HAVCR1: variants seen among roughly 807,000 people sequenced by gnomAD.
HAVCR1 encodes T cell immunoglobin domain and mucin domain protein 1.
In HAVCR1, 34 loss-of-function variants were observed where a neutral mutation model predicts 32.0. The ratio of observed to expected loss-of-function variants is 1.06; its 90% confidence interval spans 0.81 to 1.42. HAVCR1 has a LOEUF of 1.42. Ranked by LOEUF, HAVCR1 falls within the 40% of genes most tolerant of loss-of-function variation. HAVCR1 has a pLI of 0.00. For synonymous variants in HAVCR1, 178 were observed against 170.3 expected (o/e 1.05, Z -0.35); for missense variants, 420 against 442.3 (o/e 0.95, Z 0.45).
intron 3 of HAVCR1, among the ~76,000 whole-genome samples, chr5:157,053,382 T>A (rs200996509): frequency 8.6e-6 from 1 of 116,814 alleles, no homozygotes. Flanking sequence ...GACCCTGTCT[T>A]AAAAAAAAAA....
upstream of HAVCR1, among the ~76,000 whole-genome samples, chr5:157,059,765 C>G (rs1756429758): frequency 6.6e-6 from 1 of 152,162 alleles, no homozygotes; most frequent in African/African-American, 2.4e-5. Flanking sequence ...AAGTGGATCA[C>G]CTGAGGTAAG....
chr5:157,055,468 A>C lies in HAVCR1; in HGVS notation c.112T>G (p.Tyr38Asp). The C allele has an allele frequency of 6.2e-7, 1 of 1,610,480 alleles. No homozygotes were observed. The highest frequency in any genetic ancestry group is 2.2e-5 in the East Asian group (1 of 44,846). ...CACATGGATGTGACAGCTCCACTGT[A>C]GTGGCAGGGTAGTGTGACAGATGGA... ...AGPSVTLPCH[Y>D]SGAVTSMCWN... Residue 38 changes from tyrosine (Y) to aspartate (D), a missense_variant, in exon 3 of 9, where the codon TAC (tyrosine) becomes GAC (aspartate). Physicochemically the swap from Tyr to Asp is radical, Grantham distance 160. Coordinates refer to ENST00000523175, the MANE Select transcript of HAVCR1 (RefSeq NM_001173393.3).
At chr5:157,059,444 G>A (rs1756413996), upstream of HAVCR1, among the ~76,000 whole-genome samples, 1 of 152,166 alleles carries the variant, frequency 6.6e-6, no homozygotes, top group Non-Finnish European at 1.5e-5. Context: ...GGGAGGCCGA[G>A]TAGGCCAGTC....
At chr5:157,054,938 A>G (rs1756021403) in intron 3 of HAVCR1, among the ~76,000 whole-genome samples, 2 of 152,204 alleles carry the variant, frequency 1.3e-5, no homozygotes, top group South Asian at 4.1e-4. Context: ...TTTGGTATCA[A>G]GGGGGTCCTG....
intron 6 of HAVCR1, among the ~76,000 whole-genome samples, chr5:157,039,312 T>C (rs992970712): frequency 1.2e-4 from 18 of 152,224 alleles, no homozygotes; most frequent in African/African-American, 4.3e-4. Flanking sequence ...AATAATGTGT[T>C]ATAACCAACA....
intron 3 of HAVCR1, 106 bp from the exon 4 acceptor site, chr5:157,052,760 G>T (rs1262608655): frequency 4.3e-6 from 4 of 938,618 alleles, no homozygotes; most frequent in African/African-American, 1.6e-5. Context: ...TCCCTAGGTG[G>T]AGTTAACTTC....
chr5:157,031,247 C>T (rs1204016918), intron 8 of HAVCR1, among the ~76,000 whole-genome samples: 1 of 152,170 alleles, frequency 6.6e-6, no homozygotes, highest in Non-Finnish European at 1.5e-5. Context: ...TGAGCACTTA[C>T]AGTATGCTGG....
At chr5:157,058,065 T>C (rs1201908248) in intron 1 of HAVCR1, 110 bp from the exon 2 acceptor site, 3 of 763,230 alleles carry the variant, frequency 3.9e-6, no homozygotes, top group African/African-American at 1.7e-5. Flanking sequence ...GGTTGATTCA[T>C]ATGAGCCTGC....
chr5:157,057,323 A>C (rs776208618), intron 2 of HAVCR1, among the ~76,000 whole-genome samples: 2 of 150,706 alleles, frequency 1.3e-5, no homozygotes, highest in Non-Finnish European at 2.9e-5. Context: ...CTCAAAAAAA[A>C]AAAGATTGCC....
At chr5:157,033,677 A>T (rs1022209439) in intron 7 of HAVCR1, among the ~76,000 whole-genome samples, 1 of 152,118 alleles carries the variant, frequency 6.6e-6, no homozygotes, top group Non-Finnish European at 1.5e-5. Context: ...CCTGCCCTAC[A>T]GTCTGTTCTT....
In HAVCR1 at chr5:157,053,382, T is replaced by TAAAAAAAAA. The variant is rs10654856; in HGVS notation, c.380-737_380-729dup. 4.3e-5 allele frequency among the ~76,000 whole-genome samples: 5 copies of TAAAAAAAAA among 116,812 alleles called. 1 individual carries two copies. Among genetic ancestry groups the TAAAAAAAAA allele is most frequent in the Non-Finnish European group, 3.4e-5 (2 of 59,382 alleles). 76.6% of individuals were successfully genotyped at this position (116,812 alleles called of 152,430 possible). A position where few individuals can be genotyped will look rare whatever the true frequency, so the allele number is the denominator to read the frequency against. ...TGAGAAACAGAGCGAGACCCTGTCT[T>TAAAAAAAAA]AAAAAAAAAAAAGAAAAAAAGAATT... On this transcript the variant is annotated intron_variant, in intron 3 of 8. Coordinates refer to ENST00000523175, the MANE Select transcript of HAVCR1 (RefSeq NM_001173393.3).
intron 3 of HAVCR1, among the ~76,000 whole-genome samples, chr5:157,054,907 G>C (rs1756018873): frequency 6.6e-6 from 1 of 152,126 alleles, no homozygotes; most frequent in African/African-American, 2.4e-5. Context: ...ATTTTATATA[G>C]GGACTTGAGC....
the HAVCR1 span, among the ~76,000 whole-genome samples, chr5:157,068,655 A>AT: frequency 2.1e-3 from 309 of 147,680 alleles, 3 homozygotes; most frequent in Middle Eastern, 0.01. Context: ...TTTTTTTTAC[A>AT]TTTTTTTTTT....
In HAVCR1 at chr5:157,057,939, T is replaced by C; in HGVS notation, c.5A>G (p.His2Arg). The C allele has an allele frequency of 6.2e-7, 1 of 1,613,580 alleles. No homozygotes were observed. Among genetic ancestry groups the C allele is most frequent in the South Asian group, 1.1e-5 (1 of 91,064 alleles). ...GAGGCTTAAGATGACCACTTGAGGA[T>C]GCATTATGGGATCAGCCTGAAGGAA... MHPQVVILSLIL... is the reference protein window; with the variant it reads MRPQVVILSLIL... The change falls in exon 2 of 9, where the codon CAT becomes CGT. Residue 2 changes from histidine (H) to arginine (R), a missense_variant. Transcript: ENST00000523175.
the HAVCR1 span, among the ~76,000 whole-genome samples, chr5:157,066,335 A>C: frequency 1.3e-5 from 2 of 152,038 alleles, no homozygotes; most frequent in African/African-American, 4.8e-5. Flanking sequence ...TACAGGAAAC[A>C]CTTTCAAGGA....
At chr5:157,030,669 A>G (rs1020447756) in intron 8 of HAVCR1, among the ~76,000 whole-genome samples, 1 of 152,246 alleles carries the variant, frequency 6.6e-6, no homozygotes, top group Non-Finnish European at 1.5e-5. Context: ...CAGTAGAAAC[A>G]GTGGAAATAC....
chr5:157,032,166 G>T (rs150687086), intron 8 of HAVCR1, among the ~76,000 whole-genome samples: 1 of 152,206 alleles, frequency 6.6e-6, no homozygotes, highest in East Asian at 1.9e-4. Flanking sequence ...GAATATAATA[G>T]CCAATAACAC....
intron 6 of HAVCR1, among the ~76,000 whole-genome samples, chr5:157,039,333 T>G (rs1235607950): frequency 6.6e-6 from 1 of 152,120 alleles, no homozygotes; most frequent in Non-Finnish European, 1.5e-5. Flanking sequence ...TATTATAACA[T>G]TCTATAACCT....
the HAVCR1 span, among the ~76,000 whole-genome samples, chr5:157,066,583 G>C: frequency 6.7e-6 from 1 of 148,240 alleles, no homozygotes; most frequent in African/African-American, 2.5e-5. Context: ...AAAAATAACA[G>C]CATGTTTGTA....
Sources: gnomAD v4.1 joint callset for allele counts (sites outside exome capture counted in the v4.1 genomes callset) on GRCh38, gnomAD v4.1.1 for gene constraint, MANE v1.5 for transcripts, NCBI Gene and HGNC (gene_info 2026-07-23, HGNC 2026-07-21) for gene names.